PARG: variants seen among roughly 807,000 people sequenced by gnomAD.
PARG encodes poly(ADP-ribose) glycohydrolase.
A neutral mutation model predicts 113.0 loss-of-function variants in PARG; 35 were observed. The observed-to-expected ratio is 0.31, with a 90% CI of 0.24 to 0.41. The LOEUF is 0.41. PARG is among the 10% of genes least tolerant of loss of function. PARG has a pLI of 1.00. For synonymous variants in PARG, 330 were observed against 409.9 expected (o/e 0.81, Z 2.36); for missense variants, 797 against 1,169.4 (o/e 0.68, Z 4.64).
At chr10:49,916,676 A>G (rs1214290472) in intron 6 of PARG, among the ~76,000 whole-genome samples, 1 of 152,172 alleles carries the variant, frequency 6.6e-6, no homozygotes, top group African/African-American at 2.4e-5. Context: ...TTCCAGAGTC[A>G]GGTATGCATA....
intron 7 of PARG, among the ~76,000 whole-genome samples, chr10:49,890,267 CGTGT>C (rs781998130): frequency 6.6e-6 from 1 of 151,826 alleles, no homozygotes; most frequent in Admixed American, 6.6e-5. Flanking sequence ...TGCGTGTGCG[CGTGT>C]GTGTGTAGCA....
At chr10:49,878,405 G>A (rs1417558669) in intron 9 of PARG, among the ~76,000 whole-genome samples, 3 of 148,792 alleles carry the variant, frequency 2.0e-5, no homozygotes, top group African/African-American at 7.4e-5. Context: ...ATCACCTGGG[G>A]TCAGGAGTTC....
At chr10:49,905,966 T>C (rs1554844847) in intron 7 of PARG, among the ~76,000 whole-genome samples, 2 of 150,540 alleles carry the variant, frequency 1.3e-5, no homozygotes, top group East Asian at 3.9e-4. Flanking sequence ...AACATGAATA[T>C]CAACTGAACC....
chr10:49,904,692 G>T (rs1416370166), intron 7 of PARG, among the ~76,000 whole-genome samples: 2 of 151,756 alleles, frequency 1.3e-5, no homozygotes, highest in Non-Finnish European at 2.9e-5. Context: ...AACGTGGGCG[G>T]ATCACCTGAG....
At chr10:49,905,272 T>A (rs1307389151) in intron 7 of PARG, among the ~76,000 whole-genome samples, 1 of 152,254 alleles carries the variant, frequency 6.6e-6, no homozygotes, top group Admixed American at 6.5e-5. Flanking sequence ...TACAAAACAA[T>A]GAAAAGGTTT....
At chr10:49,827,895 G>A (rs1374683374) in intron 16 of PARG, among the ~76,000 whole-genome samples, 2 of 151,952 alleles carry the variant, frequency 1.3e-5, no homozygotes, top group African/African-American at 4.8e-5. Context: ...AGTAGAAATA[G>A]TATTATCTAC....
chr10:49,857,010 A>G (rs1554835146), intron 13 of PARG, among the ~76,000 whole-genome samples: 1 of 61,576 alleles, frequency 1.6e-5, no homozygotes, highest in Non-Finnish European at 3.7e-5. Context: ...CCTCTGTCTC[A>G]AAAAAAAAAA....
chr10:49,836,525 C>T (rs1844943673), intron 15 of PARG, among the ~76,000 whole-genome samples: 1 of 151,860 alleles, frequency 6.6e-6, no homozygotes, highest in African/African-American at 2.4e-5. Context: ...GTATGCAGAT[C>T]TTAGTTTCCT....
chr10:49,917,691 C>A (rs1837577386), intron 6 of PARG, among the ~76,000 whole-genome samples: 1 of 149,838 alleles, frequency 6.7e-6, no homozygotes, highest in Non-Finnish European at 1.5e-5. Flanking sequence ...GTGGTGCGTG[C>A]CTGCAGTCTC....
chr10:49,906,536 A>G (rs1363325247), intron 7 of PARG, among the ~76,000 whole-genome samples: 1 of 152,180 alleles, frequency 6.6e-6, no homozygotes, highest in African/African-American at 2.4e-5. Flanking sequence ...CTCTGACAGC[A>G]TGTGCCACAG....
At chr10:49,941,161 T>G (rs1466926266) in intron 1 of PARG, among the ~76,000 whole-genome samples, 2 of 152,212 alleles carry the variant, frequency 1.3e-5, no homozygotes, top group Non-Finnish European at 2.9e-5. Flanking sequence ...GAAGTTGTTT[T>G]CTTCCTATCT....
intron 7 of PARG, among the ~76,000 whole-genome samples, chr10:49,890,268 G>T (rs189307809): frequency 6.6e-6 from 1 of 152,038 alleles, no homozygotes; most frequent in South Asian, 2.1e-4. Flanking sequence ...GCGTGTGCGC[G>T]TGTGTGTGTA....
chr10:49,860,216 T>A (rs1299322463), intron 12 of PARG, among the ~76,000 whole-genome samples: 1 of 152,174 alleles, frequency 6.6e-6, no homozygotes, highest in African/African-American at 2.4e-5. Context: ...ATCTATAATA[T>A]ATTCCGAGGA....
At chr10:49,919,100 C>T (rs1295443308) in intron 6 of PARG, among the ~76,000 whole-genome samples, 9 of 151,992 alleles carry the variant, frequency 5.9e-5, no homozygotes. Flanking sequence ...ACCACCGTGC[C>T]CGGCTAATTT....
chr10:49,853,552 T>C lies in PARG; in HGVS notation c.2353+3754A>G, dbSNP rs575620537. ...ATTATATACTTCCCACGTGCATCCA[T>C]GATAACTAACAAATGCAGACAGATG... On this transcript the variant is annotated intron_variant, in intron 13 of 17. Coordinates refer to ENST00000616448, the MANE Select transcript of PARG (RefSeq NM_003631.5). 9.7e-4 allele frequency among the ~76,000 whole-genome samples: 148 copies of C among 152,292 alleles called. No individual in the cohort carries two copies. In the South Asian group the frequency reaches 0.013, roughly 14 times the overall value.
At chr10:49,891,617 ATATATATTTTTTTTTT>A (rs1487598656) in intron 7 of PARG, among the ~76,000 whole-genome samples, 3 of 48,302 alleles carry the variant, frequency 6.2e-5, no homozygotes, top group African/African-American at 2.9e-4. Context: ...ATATATATAT[ATATATATTTTTTTTTT>A]TTTTTTTTTT....
At chr10:49,864,978 CAA>C (rs1365688987) in intron 11 of PARG, among the ~76,000 whole-genome samples, 6 of 118,350 alleles carry the variant, frequency 5.1e-5, no homozygotes, top group Non-Finnish European at 3.7e-5. Context: ...AAACACTAAC[CAA>C]AAAAAAAAAA....
At chr10:49,894,224 T>G (rs1847962858) in intron 7 of PARG, among the ~76,000 whole-genome samples, 1 of 143,938 alleles carries the variant, frequency 6.9e-6, no homozygotes, top group Admixed American at 7.1e-5. Flanking sequence ...TTTTTTTTTG[T>G]AGAGACAAGG....
chr10:49,833,846 C>A (rs554427621), intron 15 of PARG, among the ~76,000 whole-genome samples: 9 of 152,230 alleles, frequency 5.9e-5, no homozygotes, highest in Admixed American at 1.3e-4. Flanking sequence ...ATAGCAAATA[C>A]AATTAAAAGA....
Sources: gnomAD v4.1 joint callset for allele counts (sites outside exome capture counted in the v4.1 genomes callset) on GRCh38, gnomAD v4.1.1 for gene constraint, MANE v1.5 for transcripts, NCBI Gene and HGNC (gene_info 2026-07-23, HGNC 2026-07-21) for gene names.